The following TRAM2 variants were observed in gnomAD, a reference collection of about 807,000 sequenced individuals.
The protein encoded by TRAM2 is translocating chain-associated membrane protein 2.
TRAM2 carries 12 observed loss-of-function variants against 51.0 expected under a neutral mutation model. The observed-to-expected ratio is 0.24, with a 90% CI of 0.15 to 0.38. TRAM2 has a LOEUF of 0.38. TRAM2 is among the 10% of genes least tolerant of loss of function. The pLI is 1.00. For missense variants in TRAM2, 361 were observed against 462.0 expected (o/e 0.78, Z 2.00); for synonymous variants, 175 against 179.4 (o/e 0.98, Z 0.20).
chr6:52,512,165 G>A lies in TRAM2; in HGVS notation c.412-2579C>T, dbSNP rs563535858. Among the ~76,000 whole-genome samples the A allele has an allele frequency of 2.0e-5, 3 of 152,272 alleles. No homozygotes were observed. The East Asian group carries it at 5.8e-4, about 29-fold the overall frequency. On this transcript the variant is annotated intron_variant, in intron 4 of 10. Transcript: ENST00000182527. ...AAAATGGTACTTCTGAAACTGAGGT[G>A]GGAGAGAAAGTTTTGCCCAAACAAG...
chr6:52,515,828 A>C, intron 4 of TRAM2, 178 bp downstream of exon 4: 1 of 626,654 alleles, frequency 1.6e-6, no homozygotes, highest in Non-Finnish European at 2.8e-6. Context: ...TAATACCATG[A>C]GGATGCAAAC....
chr6:52,538,372 C>G (rs1399666752), intron 1 of TRAM2, among the ~76,000 whole-genome samples: 3 of 149,948 alleles, frequency 2.0e-5, no homozygotes, highest in Non-Finnish European at 4.4e-5. Context: ...TGTGTGTGGG[C>G]ATAGGATGTG....
At chr6:52,529,893 A>C (rs1379205040) in intron 2 of TRAM2, 1 of 152,168 alleles carries the variant, frequency 6.6e-6, no homozygotes. Context: ...TGGCCTTTAT[A>C]GTCTATACAT....
intron 2 of TRAM2, among the ~76,000 whole-genome samples, chr6:52,530,527 G>A (rs1283361977): frequency 6.6e-6 from 1 of 152,156 alleles, no homozygotes; most frequent in Non-Finnish European, 1.5e-5. Flanking sequence ...GTTAAGATGA[G>A]GTCACCGTGG....
intron 1 of TRAM2, among the ~76,000 whole-genome samples, chr6:52,576,265 C>G (rs1767762916): frequency 6.6e-6 from 1 of 152,198 alleles, no homozygotes; most frequent in Admixed American, 6.5e-5. Context: ...GGGGCCAGGG[C>G]CACACGTGAA....
intron 1 of TRAM2, among the ~76,000 whole-genome samples, chr6:52,548,669 T>A (rs751767838): frequency 2.0e-5 from 3 of 152,244 alleles, no homozygotes; most frequent in Non-Finnish European, 4.4e-5. Context: ...AAGATCCATC[T>A]GACCGTGACA....
intron 1 of TRAM2, among the ~76,000 whole-genome samples, chr6:52,559,026 C>T (rs1767455020): frequency 6.6e-6 from 1 of 152,180 alleles, no homozygotes; most frequent in Admixed American, 6.5e-5. Context: ...AAGAAGATGG[C>T]ATTTCACAAA....
In TRAM2 at chr6:52,521,436, G is replaced by A. The variant is rs150400166; in HGVS notation, c.185-4699C>T. 3.8e-3 allele frequency among the ~76,000 whole-genome samples: 575 copies of A among 151,390 alleles called. 5 individuals carry two copies. Among genetic ancestry groups the A allele is most frequent in the African/African-American group, 0.013 (550 of 41,294 alleles). On this transcript the variant is annotated intron_variant, in intron 2 of 10. Transcript: ENST00000182527. ...AGGCTGGGCGCGGTGGCTCACACCT[G>A]TAATCCCAGCACTTTGGGAGGCCGA...
intron 2 of TRAM2, chr6:52,523,059 C>A (rs1356065237): frequency 1.8e-6 from 1 of 541,328 alleles, no homozygotes; most frequent in Non-Finnish European, 3.2e-6. Flanking sequence ...CTAGAAGCTT[C>A]TTCTTTTGTC....
chr6:52,533,297 A>T (rs1164967490), intron 2 of TRAM2, among the ~76,000 whole-genome samples: 1 of 152,264 alleles, frequency 6.6e-6, no homozygotes, highest in African/African-American at 2.4e-5. Context: ...AAAATAAATC[A>T]GTAAATCTTG....
chr6:52,554,879 C>T (rs182577063), intron 1 of TRAM2, among the ~76,000 whole-genome samples: 1 of 151,768 alleles, frequency 6.6e-6, no homozygotes, highest in Non-Finnish European at 1.5e-5. Context: ...AATGATCCTC[C>T]TACCTCAGCC....
At position 52,504,766 on chromosome 6, in the gene TRAM2, G is replaced by A. The variant is rs774474530; in HGVS notation, c.876-12C>T. On this transcript the variant is annotated splice_polypyrimidine_tract_variant and intron_variant, in intron 9 of 10. Transcript: ENST00000182527. ...GCAGCACGCAGAGCCTGCAGAGCAG[G>A]GGGTTAGGGGCTTAGGCTGGGGCTT... 1.9e-6 allele frequency: 3 copies of A among 1,590,694 alleles called. No homozygotes were observed. Among genetic ancestry groups the A allele is most frequent in the Admixed American group, 1.8e-5 (1 of 56,718 alleles).
chr6:52,560,722 A>G (rs116510563), intron 1 of TRAM2, among the ~76,000 whole-genome samples: 1,589 of 152,378 alleles, frequency 0.01, 27 homozygotes, highest in African/African-American at 0.036. Context: ...TTTATCAAAT[A>G]TAACTCTCAA....
intron 1 of TRAM2, among the ~76,000 whole-genome samples, chr6:52,565,880 G>T (rs1767582774): frequency 6.6e-6 from 1 of 152,164 alleles, no homozygotes; most frequent in South Asian, 2.1e-4. Context: ...CCTCCACAAA[G>T]GAAGTTCCCA....
chr6:52,572,293 T>C (rs1767692302), intron 1 of TRAM2, among the ~76,000 whole-genome samples: 1 of 152,222 alleles, frequency 6.6e-6, no homozygotes, highest in Non-Finnish European at 1.5e-5. Context: ...AGGAACTTCT[T>C]CGAAAGTGCA....
rs3804491 is a variant in TRAM2 at position 52,555,558 on chromosome 6, C to T, written c.121-19712G>A. On this transcript the variant is annotated intron_variant, in intron 1 of 10. Coordinates refer to ENST00000182527, the MANE Select transcript of TRAM2 (RefSeq NM_012288.4). ...TCTATAAAAATAAAACACATCCAAA[C>T]GTTTACAGAAAAAGGCCCACACCAA... Among the ~76,000 whole-genome samples the T allele has an allele frequency of 5.8e-4, 89 of 152,160 alleles. 6 individuals are homozygous for T. The East Asian group carries it at 0.016, about 27-fold the overall frequency.
At chr6:52,574,706 C>T (rs755468470) in intron 1 of TRAM2, among the ~76,000 whole-genome samples, 1 of 152,140 alleles carries the variant, frequency 6.6e-6, no homozygotes, top group Admixed American at 6.5e-5. Flanking sequence ...GGGCCTTTCT[C>T]TTTCACCAGA....
intron 1 of TRAM2, among the ~76,000 whole-genome samples, chr6:52,569,388 TAAAA>T (rs11331630): frequency 9.6e-5 from 13 of 136,098 alleles, no homozygotes; most frequent in African/African-American, 1.4e-4. Context: ...AGACTCCATT[TAAAA>T]AAAAAAAAAA....
chr6:52,516,487 GAAGCCCAGGC>G, intron 3 of TRAM2, 131 bp downstream of exon 3: 1 of 682,152 alleles, frequency 1.5e-6, no homozygotes, highest in Admixed American at 2.5e-5. Context: ...TGTGGTGAAG[GAAGCCCAGGC>G]AATAGACCCA....
Sources: allele counts gnomAD v4.1 joint callset (sites outside exome capture counted in the v4.1 genomes callset), GRCh38; gene constraint gnomAD v4.1.1; transcripts MANE v1.5; gene names NCBI Gene and HGNC (gene_info 2026-07-23, HGNC 2026-07-21).